MAN1A1: variants seen among roughly 807,000 people sequenced by gnomAD.
MAN1A1 encodes the protein mannosidase alpha class 1A member 1.
MAN1A1 carries 29 observed loss-of-function variants against 70.8 expected under a neutral mutation model. The ratio of observed to expected loss-of-function variants is 0.41; its 90% CI spans 0.31 to 0.56. The LOEUF (loss-of-function observed/expected upper bound fraction) is 0.56, where lower values mean the gene tolerates loss of function less well. Among genes scored for constraint, MAN1A1 ranks in the 20% least tolerant of loss-of-function variants. The pLI, the probability that MAN1A1 is intolerant of heterozygous loss-of-function variation, is 0.29. For missense variants in MAN1A1, 747 were observed against 841.3 expected, an observed-to-expected ratio of 0.89 and a Z score of 1.39; for synonymous variants, 349 against 330.1, an observed-to-expected ratio of 1.06 and a Z score of -0.62.
At chr6:119,331,386 T>C (rs1773305333) in intron 2 of MAN1A1, among the ~76,000 whole-genome samples, 1 of 151,888 alleles carries the variant, frequency 6.6e-6, no homozygotes, top group South Asian at 2.1e-4. Context: ...TCCTAAACTT[T>C]AGGAGTCATA....
chr6:119,189,675 T>C lies in MAN1A1; in HGVS notation c.1535A>G (p.Tyr512Cys), dbSNP rs374986955. ...TAACATGTACTCACATGTTCGATTA[T>C]ATGATTCATGACAAGTACGGGCAAT... Reference protein sequence around the residue: ...AEIARTCHESYNRTFMKLGPE... With the variant: ...AEIARTCHESCNRTFMKLGPE... The change falls in exon 10 of 13, where the codon TAT (tyrosine) becomes TGT (cysteine). Residue 512 changes from tyrosine to cysteine, a missense_variant. Transcript: ENST00000368468. 1.2e-6 allele frequency: 2 copies of C among 1,614,042 alleles called. No homozygotes were observed. The highest frequency in any genetic ancestry group is 1.7e-6 in the Non-Finnish European group (2 of 1,179,964).
rs61065874 is a variant in MAN1A1 at position 119,329,455 on chromosome 6, TC to T, written c.603+19007del. Reference sequence around the variant, plus strand: ...GAGAGATTCCTTTTTATAATAAATATCCCCCCCCCACCCACTGACTCCAAAT... The same window carrying T: ...GAGAGATTCCTTTTTATAATAAATATCCCCCCCCACCCACTGACTCCAAAT... On this transcript the variant is annotated intron_variant, in intron 2 of 12. Coordinates refer to ENST00000368468, the MANE Select transcript of MAN1A1 (RefSeq NM_005907.4). Among the ~76,000 whole-genome samples the T allele has an allele frequency of 1.1e-3, 159 of 150,206 alleles. 3 individuals carry two copies. In the Middle Eastern group the frequency reaches 0.021, roughly 19 times the overall value.
intron 8 of MAN1A1, among the ~76,000 whole-genome samples, chr6:119,195,374 G>A (rs1441371744): frequency 6.6e-6 from 1 of 152,118 alleles, no homozygotes; most frequent in Non-Finnish European, 1.5e-5. Context: ...CTCAGGCAGG[G>A]CTTCTATAGG....
rs1349500777 is a variant in MAN1A1, at chr6:119,178,570, A to C, written c.*1249T>G. ...ATTCCTATTTCAAACTTAATGTTTA[A>C]AAGAATCATATATTGATTTTGATTT... On this transcript the variant is annotated 3_prime_UTR_variant, in exon 13 of 13. Transcript: ENST00000368468. 2 of 152,138 alleles carry C rather than the reference A, an allele frequency of 1.3e-5. No individual in the cohort carries two copies. Among genetic ancestry groups the C allele is most frequent in the African/African-American group, 4.8e-5 (2 of 41,452 alleles). The allele number at this position is 152,138 out of a possible 1,614,324, so 9.4% of individuals were successfully genotyped here. A position where few individuals can be genotyped will look rare whatever the true frequency, so the allele number is the denominator to read the frequency against.
chr6:119,276,599 G>A (rs1032488092), intron 5 of MAN1A1, among the ~76,000 whole-genome samples: 1 of 152,182 alleles, frequency 6.6e-6, no homozygotes, highest in Non-Finnish European at 1.5e-5. Context: ...AAATGCTGGA[G>A]TTATTTGCCT....
chr6:119,233,761 T>G (rs543431419), intron 6 of MAN1A1, among the ~76,000 whole-genome samples: 71 of 152,344 alleles, frequency 4.7e-4, no homozygotes, highest in African/African-American at 1.7e-3. Context: ...TAGAGATTCT[T>G]GCAGAGACTC....
intron 5 of MAN1A1, among the ~76,000 whole-genome samples, chr6:119,253,062 G>A (rs1363419295): frequency 1.3e-5 from 2 of 152,108 alleles, no homozygotes. Context: ...TCGTTTTGAA[G>A]TGTCTTCTTC....
chr6:119,267,261 T>C (rs1301602562), intron 5 of MAN1A1, among the ~76,000 whole-genome samples: 1 of 152,222 alleles, frequency 6.6e-6, no homozygotes, highest in Non-Finnish European at 1.5e-5. Context: ...TGAAAATTTA[T>C]GACCATACAA....
chr6:119,252,273 C>CATATA (rs1775337756), intron 5 of MAN1A1, among the ~76,000 whole-genome samples: 3 of 152,160 alleles, frequency 2.0e-5, no homozygotes, highest in South Asian at 2.1e-4. Flanking sequence ...GGTTATGTTA[C>CATATA]ATATAATTTT....
Position 119,180,330 on chromosome 6 carries a change from A to T in MAN1A1, c.1817T>A (p.Phe606Tyr). The T allele has an allele frequency of 6.2e-7, 1 of 1,613,510 alleles. No homozygotes were observed. Among genetic ancestry groups the T allele is most frequent in the Non-Finnish European group, 8.5e-7 (1 of 1,179,538 alleles). Residue 606 changes from phenylalanine to tyrosine, a missense_variant, in exon 12 of 13, where the codon TTC (phenylalanine) becomes TAC (tyrosine). By Grantham distance (22) the Phe-to-Tyr change is conservative (BLOSUM62 3). Transcript: ENST00000368468. The stretch of plus-strand genomic sequence containing the variant: ...CACCTACTTCAATGTCTCTGCCAGG[A>T]AGAAACTCTGCTGCACATCATCATA... ...ESYDDVQQSFFLAETLKYLYL... is the reference protein window; with the variant it reads ...ESYDDVQQSFYLAETLKYLYL...
At chr6:119,318,516 G>A (rs118034899) in intron 2 of MAN1A1, among the ~76,000 whole-genome samples, 4,253 of 152,198 alleles carry the variant, frequency 0.028, 93 homozygotes, top group Non-Finnish European at 0.045. Flanking sequence ...ATGTGCTGTT[G>A]ATATATATCT....
chr6:119,188,664 C>T (rs1013359513), intron 10 of MAN1A1, 87 bp from the exon 11 acceptor site: 1 of 1,212,862 alleles, frequency 8.2e-7, no homozygotes, highest in African/African-American at 1.5e-5. Context: ...AAAGTACAGT[C>T]ATCCCTCAGT....
At chr6:119,267,267 T>C (rs1318814954) in intron 5 of MAN1A1, among the ~76,000 whole-genome samples, 1 of 152,210 alleles carries the variant, frequency 6.6e-6, no homozygotes, top group Non-Finnish European at 1.5e-5. Context: ...TTTATGACCA[T>C]ACAAAAAACT....
intron 4 of MAN1A1, 46 bp from the exon 5 acceptor site, chr6:119,290,809 A>G (rs1412968755): frequency 3.3e-6 from 4 of 1,221,528 alleles, no homozygotes; most frequent in Middle Eastern, 2.0e-4. Context: ...CACAATTCAG[A>G]AAACCATTAT....
chr6:119,193,823 T>A lies in MAN1A1; in HGVS notation c.1280A>T (p.Asp427Val). 3 of 1,613,790 alleles carry A rather than the reference T, an allele frequency of 1.9e-6. No individual in the cohort carries two copies. The highest frequency in any genetic ancestry group is 2.5e-6 in the Non-Finnish European group (3 of 1,179,806). Residue 427 changes from aspartate (D) to valine (V), a missense_variant, in exon 9 of 13, where the codon GAC becomes GTC. Physicochemically the swap from Asp to Val is radical, Grantham distance 152. Transcript: ENST00000368468. The part of the protein sequence containing the change: ...EYLLKAWLMS[D>V]KTDLEAKKMY... ...CTTCTTAGCTTCCAGATCTGTCTTG[T>A]CAGACATTAACCAGGCCTTCAGCAA...
At chr6:119,206,887 G>A (rs978207635) in intron 6 of MAN1A1, among the ~76,000 whole-genome samples, 9 of 152,234 alleles carry the variant, frequency 5.9e-5, no homozygotes, top group Non-Finnish European at 8.8e-5. Context: ...AGGGTAAGAG[G>A]AGATGATGAC....
intron 5 of MAN1A1, among the ~76,000 whole-genome samples, chr6:119,265,383 G>A (rs1402209245): frequency 6.6e-6 from 1 of 152,132 alleles, no homozygotes; most frequent in Non-Finnish European, 1.5e-5. Context: ...ATAGGCATGA[G>A]CCACTGAGCC....
chr6:119,250,456 C>T (rs1395233985), intron 5 of MAN1A1, among the ~76,000 whole-genome samples: 2 of 152,192 alleles, frequency 1.3e-5, no homozygotes, highest in Admixed American at 1.3e-4. Context: ...ACAGCATTTA[C>T]TTTTTTAAAG....
chr6:119,317,147 T>C (rs1772875708), intron 2 of MAN1A1, among the ~76,000 whole-genome samples: 1 of 152,102 alleles, frequency 6.6e-6, no homozygotes, highest in African/African-American at 2.4e-5. Context: ...AGTTCCTATA[T>C]ATCCTCTGTA....
Sources: gnomAD v4.1 joint callset for allele counts (sites outside exome capture counted in the v4.1 genomes callset) on GRCh38, gnomAD v4.1.1 for gene constraint, MANE v1.5 for transcripts, NCBI Gene and HGNC (gene_info 2026-07-23, HGNC 2026-07-21) for gene names.